The following HDX variants were observed in gnomAD, a reference collection of about 807,000 sequenced individuals.
The protein encoded by HDX is chromosome X open reading frame 43.
A neutral mutation model predicts 45.2 loss-of-function variants in HDX; 19 were observed. The observed-to-expected ratio is 0.42, with a 90% CI of 0.29 to 0.62. The LOEUF (loss-of-function observed/expected upper bound fraction) is 0.62, where lower values mean the gene tolerates loss of function less well. Among genes scored for constraint, HDX ranks in the 20% least tolerant of loss-of-function variants. HDX has a pLI of 0.20. For missense variants in HDX, 532 were observed against 493.9 expected (o/e 1.08, Z -0.73); for synonymous variants, 188 against 172.8 (o/e 1.09, Z -0.69).
At chrX:84,397,157 T>C (rs1414956917) in intron 5 of HDX, among the ~76,000 whole-genome samples, 1 of 112,279 alleles carries the variant, frequency 8.9e-6, no homozygotes, top group Non-Finnish European at 1.9e-5. Context: ...CACTGCATGG[T>C]GGCTTCTCTC....
intron 2 of HDX, among the ~76,000 whole-genome samples, chrX:84,484,240 A>G (rs775935385): frequency 8.9e-6 from 1 of 111,790 alleles, no homozygotes; most frequent in Non-Finnish European, 1.9e-5. Context: ...AATTTACTGT[A>G]TTAGTCTGTT....
intron 5 of HDX, among the ~76,000 whole-genome samples, chrX:84,384,186 T>A (rs1017254692): frequency 8.9e-6 from 1 of 111,835 alleles, no homozygotes; most frequent in Non-Finnish European, 1.9e-5. Flanking sequence ...AGCATTCTCT[T>A]TTCTGTGCAA....
intron 7 of HDX, among the ~76,000 whole-genome samples, chrX:84,341,832 G>C (rs1240264708): frequency 9.2e-6 from 1 of 109,094 alleles, no homozygotes; most frequent in Non-Finnish European, 1.9e-5. Context: ...CCAACTTCAA[G>C]GGATCCTTTT....
intron 4 of HDX, among the ~76,000 whole-genome samples, chrX:84,460,150 T>C (rs760976502): frequency 1.8e-5 from 2 of 111,453 alleles, no homozygotes; most frequent in South Asian, 3.8e-4. Context: ...TTCCAAAAGA[T>C]AGACGATAAG....
At chrX:84,430,414 A>T (rs143854178) in intron 5 of HDX, among the ~76,000 whole-genome samples, 1,611 of 110,947 alleles carry the variant, frequency 0.015, 26 homozygotes, top group African/African-American at 0.051. Context: ...TTATCCATTC[A>T]TCTGTTGTTG....
chrX:84,349,733 T>A lies in HDX; in HGVS notation c.1453-5276A>T, dbSNP rs772332598. ...ACACACCATAGAATACTACTCAGTC[T>A]TAAAAAAAGAATAAAATCATGTCTT... On this transcript the variant is annotated intron_variant, in intron 6 of 10. Transcript: ENST00000373177. 2.4e-3 allele frequency among the ~76,000 whole-genome samples: 250 copies of A among 105,312 alleles called. 2 individuals are homozygous for A. Among genetic ancestry groups the A allele is most frequent in the African/African-American group, 8.4e-3 (241 of 28,812 alleles). 91.5% of individuals were successfully genotyped at this position (105,312 alleles called of 115,157 possible). A position where few individuals can be genotyped will look rare whatever the true frequency, so the allele number is the denominator to read the frequency against.
At chrX:84,401,334 C>T (rs1183644133) in intron 5 of HDX, among the ~76,000 whole-genome samples, 3 of 111,477 alleles carry the variant, frequency 2.7e-5, no homozygotes, top group Non-Finnish European at 3.8e-5. Context: ...CCAGAATAAT[C>T]TACAAGGAAC....
chrX:84,351,391 G>A (rs771430345), intron 6 of HDX, among the ~76,000 whole-genome samples: 4 of 110,634 alleles, frequency 3.6e-5, no homozygotes, highest in Non-Finnish European at 5.7e-5. Flanking sequence ...TTTGCTTTGC[G>A]GAGGTGGGGG....
intron 5 of HDX, among the ~76,000 whole-genome samples, chrX:84,374,560 A>AG (rs201566143): frequency 3.8e-4 from 35 of 92,493 alleles, no homozygotes; most frequent in South Asian, 1.0e-3. Flanking sequence ...ACCAAAACAG[A>AG]ACAGAACAGA....
chrX:84,482,321 T>C (rs2040702637), intron 2 of HDX, among the ~76,000 whole-genome samples: 1 of 111,816 alleles, frequency 8.9e-6, no homozygotes, highest in Non-Finnish European at 1.9e-5. Flanking sequence ...TCCATTCTCA[T>C]ACAGCTATAA....
chrX:84,360,249 G>A (rs1013722169), intron 6 of HDX, among the ~76,000 whole-genome samples: 3 of 111,640 alleles, frequency 2.7e-5, no homozygotes, highest in African/African-American at 9.8e-5. Context: ...ACGCCAATCA[G>A]AATGGCAATT....
intron 5 of HDX, among the ~76,000 whole-genome samples, chrX:84,421,217 T>G (rs887859581): frequency 8.9e-5 from 10 of 111,990 alleles, no homozygotes; most frequent in Non-Finnish European, 1.9e-4. Flanking sequence ...TAATGACAAC[T>G]TCTCAAGACA....
chrX:84,468,420 C>G (rs1444338258), intron 4 of HDX, 52 bp downstream of exon 4: 2 of 811,801 alleles, frequency 2.5e-6, no homozygotes. Flanking sequence ...CCAAATCTAA[C>G]TGGATACACA....
In HDX at chrX:84,469,011, G is replaced by A. The variant is rs1185690720; in HGVS notation, c.712C>T (p.Pro238Ser). The A allele has an allele frequency of 8.3e-7, 1 of 1,209,311 alleles. No homozygotes were observed. The highest frequency in any genetic ancestry group is 1.8e-5 in the African/African-American group (1 of 57,055). ...QRSYKPEHTG[P>S]ALHNLCGQKP... ...TGCCCACATAAGTTATGTAATGCTG[G>A]GCCTGTGTGTTCAGGCTTATATGAC... Residue 238 changes from proline (P) to serine (S), a missense_variant, in exon 4 of 11, where the codon CCA (proline) becomes TCA (serine). Around this residue, in one of 3 missense-constraint regions of HDX, gnomAD observed 376 missense variants for 343.7 expected, o/e 1.09. Coordinates refer to ENST00000373177, the MANE Select transcript of HDX (RefSeq NM_001177479.2).
intron 2 of HDX, among the ~76,000 whole-genome samples, chrX:84,483,160 C>A (rs1348460469): frequency 3.6e-5 from 4 of 111,038 alleles, no homozygotes; most frequent in Admixed American, 2.9e-4. Context: ...GTGGCTTTCC[C>A]AGGCTCATGG....
At chrX:84,462,853 T>C (rs1474322749) in intron 4 of HDX, among the ~76,000 whole-genome samples, 1 of 111,331 alleles carries the variant, frequency 9.0e-6, no homozygotes, top group East Asian at 2.8e-4. Context: ...AAACATAATA[T>C]GAAGTATTAA....
At chrX:84,411,682 C>A (rs1452374840) in intron 5 of HDX, among the ~76,000 whole-genome samples, 1 of 111,187 alleles carries the variant, frequency 9.0e-6, no homozygotes, top group African/African-American at 3.3e-5. Context: ...TATTAATCAA[C>A]GTGATTAAGT....
intron 5 of HDX, among the ~76,000 whole-genome samples, chrX:84,413,505 G>A (rs767115848): frequency 2.7e-5 from 3 of 111,447 alleles, no homozygotes; most frequent in African/African-American, 9.8e-5. Flanking sequence ...CTCAAGATCA[G>A]GAATCTGCCG....
At chrX:84,324,872 A>C (rs1282362744) in intron 10 of HDX, among the ~76,000 whole-genome samples, 1 of 110,847 alleles carries the variant, frequency 9.0e-6, no homozygotes, top group Non-Finnish European at 1.9e-5. Context: ...CAGTTATTTA[A>C]AACTTACAGT....
Sources: gnomAD v4.1 joint callset for allele counts (sites outside exome capture counted in the v4.1 genomes callset) on GRCh38, gnomAD v4.1.1 for gene constraint, gnomAD v4.1.1 regional missense constraint, MANE v1.5 for transcripts, NCBI Gene and HGNC (gene_info 2026-07-23, HGNC 2026-07-21) for gene names.